Variants in SYT1 observed in about 807,000 individuals in gnomAD.
The protein encoded by SYT1 is synaptotagmin 1.
Under a neutral mutation model 44.8 loss-of-function variants are expected in SYT1, and 8 were observed. That is an observed-to-expected ratio of 0.18 (90% CI 0.10 to 0.32). SYT1 has a LOEUF of 0.32. Among genes scored for constraint, SYT1 ranks in the 10% least tolerant of loss-of-function variants. SYT1 has a pLI of 1.00. For synonymous variants in SYT1, 154 were observed against 188.8 expected (o/e 0.82, Z 1.51); for missense variants, 286 against 509.3 (o/e 0.56, Z 4.22).
chr12:79,091,277 C>T (rs1287076586), intron 3 of SYT1, among the ~76,000 whole-genome samples: 1 of 151,956 alleles, frequency 6.6e-6, no homozygotes, highest in African/African-American at 2.4e-5. Flanking sequence ...GGAAGAAAAA[C>T]ATATATTGGA....
chr12:79,146,707 T>C (rs900541266), intron 3 of SYT1, among the ~76,000 whole-genome samples: 1 of 152,190 alleles, frequency 6.6e-6, no homozygotes, highest in Non-Finnish European at 1.5e-5. Flanking sequence ...TGAAATGATA[T>C]GGTAGAAGAA....
chr12:78,979,382 C>G (rs1233775427), intron 2 of SYT1, among the ~76,000 whole-genome samples: 1 of 152,010 alleles, frequency 6.6e-6, no homozygotes, highest in Non-Finnish European at 1.5e-5. Flanking sequence ...AGCCAACCTA[C>G]AAAAATACAT....
At chr12:78,981,547 A>G (rs973275921) in intron 2 of SYT1, among the ~76,000 whole-genome samples, 2 of 152,170 alleles carry the variant, frequency 1.3e-5, no homozygotes, top group South Asian at 2.1e-4. Context: ...GTGAGTGCCA[A>G]CTAATGGAGT....
At chr12:79,184,043 C>G (rs1341007770) in intron 3 of SYT1, among the ~76,000 whole-genome samples, 1 of 152,012 alleles carries the variant, frequency 6.6e-6, no homozygotes, top group Non-Finnish European at 1.5e-5. Flanking sequence ...GAGGAAACAT[C>G]CTGTAGTTTT....
chr12:79,385,711 G>A (rs1400615352), intron 9 of SYT1, among the ~76,000 whole-genome samples: 3 of 147,510 alleles, frequency 2.0e-5, no homozygotes, highest in Non-Finnish European at 4.5e-5. Context: ...ACCAACTGTG[G>A]TTATACAATT....
chr12:79,160,353 G>A (rs996213094), intron 3 of SYT1, among the ~76,000 whole-genome samples: 26 of 152,214 alleles, frequency 1.7e-4, no homozygotes, highest in African/African-American at 5.8e-4. Flanking sequence ...AGAACTAGAG[G>A]TATTGATTTT....
chr12:79,031,309 C>A (rs2137672378), intron 2 of SYT1, among the ~76,000 whole-genome samples: 1 of 151,094 alleles, frequency 6.6e-6, no homozygotes, highest in South Asian at 2.1e-4. Flanking sequence ...TCTGCAAATA[C>A]TTCTGATATT....
intron 9 of SYT1, among the ~76,000 whole-genome samples, chr12:79,442,818 C>T (rs1366521539): frequency 6.6e-6 from 1 of 152,108 alleles, no homozygotes; most frequent in Non-Finnish European, 1.5e-5. Flanking sequence ...CCTAGCTCTA[C>T]ATGTTCCGAG....
intron 4 of SYT1, among the ~76,000 whole-genome samples, chr12:79,225,425 C>T (rs1875459876): frequency 6.6e-6 from 1 of 152,120 alleles, no homozygotes; most frequent in Non-Finnish European, 1.5e-5. Context: ...TCCAATACAT[C>T]GAACACTAGA....
At chr12:79,276,864 A>G (rs1214192836) in intron 4 of SYT1, among the ~76,000 whole-genome samples, 1 of 151,846 alleles carries the variant, frequency 6.6e-6, no homozygotes, top group Non-Finnish European at 1.5e-5. Context: ...AAAGTCTCCA[A>G]GAAATGTGGC....
At chr12:78,869,252 T>C (rs1017487005) in intron 1 of SYT1, among the ~76,000 whole-genome samples, 1 of 151,914 alleles carries the variant, frequency 6.6e-6, no homozygotes, top group Non-Finnish European at 1.5e-5. Context: ...AGCTGGTCAT[T>C]TTAAGAGTGT....
chr12:79,308,724 G>T (rs1198165877), intron 8 of SYT1, among the ~76,000 whole-genome samples: 3 of 152,140 alleles, frequency 2.0e-5, no homozygotes, highest in African/African-American at 7.2e-5. Context: ...TTTCTCCAAG[G>T]TCTGTATTCG....
At chr12:79,385,096 C>T (rs1884383629) in intron 9 of SYT1, among the ~76,000 whole-genome samples, 1 of 150,344 alleles carries the variant, frequency 6.7e-6, no homozygotes, top group African/African-American at 2.4e-5. Context: ...AAGTGATTCT[C>T]CTGCCTCAGC....
intron 9 of SYT1, among the ~76,000 whole-genome samples, chr12:79,404,090 CA>C (rs1335687210): frequency 6.6e-6 from 1 of 152,146 alleles, no homozygotes; most frequent in Non-Finnish European, 1.5e-5. Context: ...ATAAGCACCA[CA>C]ACACTGCAAA....
At chr12:78,969,282 G>A (rs923830563) in intron 1 of SYT1, among the ~76,000 whole-genome samples, 7 of 152,148 alleles carry the variant, frequency 4.6e-5, no homozygotes, top group African/African-American at 7.2e-5. Context: ...AGGAGGTCCT[G>A]GGACCAATCC....
Position 79,096,417 on chromosome 12 carries a change from G to A in SYT1, c.-18+49055G>A, listed in dbSNP as rs1368739253. Among the ~76,000 whole-genome samples the A allele has an allele frequency of 2.6e-5, 4 of 151,948 alleles. No individual in the cohort carries two copies. The East Asian group carries it at 7.7e-4, about 29-fold the overall frequency. ...TTTTGGTTTCCTGCATTGGTCAGGT[G>A]GAACAATATACCAGCTAGCAGGGAT... On this transcript the variant is annotated intron_variant, in intron 3 of 10. Coordinates refer to ENST00000261205, the MANE Select transcript of SYT1 (RefSeq NM_005639.3).
intron 4 of SYT1, among the ~76,000 whole-genome samples, chr12:79,248,467 C>A (rs1410783050): frequency 6.6e-6 from 1 of 152,020 alleles, no homozygotes; most frequent in African/African-American, 2.4e-5. Flanking sequence ...ACCTTTCTTG[C>A]CTCCTTGTTT....
At chr12:79,065,628 T>G (rs1479605624) in intron 3 of SYT1, among the ~76,000 whole-genome samples, 1 of 152,176 alleles carries the variant, frequency 6.6e-6, no homozygotes, top group Non-Finnish European at 1.5e-5. Flanking sequence ...AAAAAAAAAG[T>G]CAAGGATGAT....
At chr12:78,905,140 A>C (rs1291522732) in intron 1 of SYT1, among the ~76,000 whole-genome samples, 1 of 152,158 alleles carries the variant, frequency 6.6e-6, no homozygotes, top group African/African-American at 2.4e-5. Context: ...TAATCTTGAG[A>C]AATGTCTTCC....
Sources: gnomAD v4.1 joint callset for allele counts (sites outside exome capture counted in the v4.1 genomes callset) on GRCh38, gnomAD v4.1.1 for gene constraint, MANE v1.5 for transcripts, NCBI Gene and HGNC (gene_info 2026-07-23, HGNC 2026-07-21) for gene names.